The following CFAP54 variants were observed in gnomAD, a reference collection of about 807,000 sequenced individuals.
CFAP54 encodes cilia and flagella associated protein 54, also known as cilia- and flagella-associated protein 54.
CFAP54 carries 290 observed loss-of-function variants against 370.4 expected under a neutral mutation model. The observed-to-expected ratio is 0.78, with a 90% CI of 0.71 to 0.86. The LOEUF (loss-of-function observed/expected upper bound fraction) is 0.86, where lower values mean the gene tolerates loss of function less well. Among genes scored for constraint, CFAP54 ranks in the 40% least tolerant of loss-of-function variants. CFAP54 has a pLI of 0.00. For synonymous variants in CFAP54, 1,206 were observed against 1,236.5 expected, an observed-to-expected ratio of 0.98 and a Z score of 0.52; for missense variants, 3,399 against 3,528.7, an observed-to-expected ratio of 0.96 and a Z score of 0.93.
At chr12:96,724,539 A>C (rs1376979812) in intron 50 of CFAP54, among the ~76,000 whole-genome samples, 1 of 151,722 alleles carries the variant, frequency 6.6e-6, no homozygotes. Flanking sequence ...TTTTTCTTGT[A>C]AATTTGTTTG....
At chr12:96,765,896 A>G (rs894180539) in intron 60 of CFAP54, among the ~76,000 whole-genome samples, 1 of 152,192 alleles carries the variant, frequency 6.6e-6, no homozygotes, top group African/African-American at 2.4e-5. Flanking sequence ...ACATTCATTT[A>G]TGTGTTTTTC....
chr12:96,626,411 A>G (rs1438571531), intron 29 of CFAP54, among the ~76,000 whole-genome samples: 1 of 151,994 alleles, frequency 6.6e-6, no homozygotes, highest in Non-Finnish European at 1.5e-5. Context: ...AAAAGAAAAA[A>G]GAAAAATGTA....
intron 55 of CFAP54, among the ~76,000 whole-genome samples, chr12:96,750,097 A>T (rs1958165554): frequency 6.6e-6 from 1 of 152,134 alleles, no homozygotes; most frequent in Non-Finnish European, 1.5e-5. Flanking sequence ...CCAAGAAGGC[A>T]GCCAGCCAGA....
At chr12:96,694,983 TG>T (rs1486809147) in intron 45 of CFAP54, among the ~76,000 whole-genome samples, 4 of 151,876 alleles carry the variant, frequency 2.6e-5, no homozygotes, top group African/African-American at 9.7e-5. Context: ...ATTGCACCAC[TG>T]CACTCCAGCC....
Position 96,860,955 on chromosome 12 carries a change from A to C in CFAP54, c.*14+3A>C. 1 of 1,510,716 alleles carries C rather than the reference A, an allele frequency of 6.6e-7. No individual in the cohort carries two copies. Among genetic ancestry groups the C allele is most frequent in the Non-Finnish European group, 8.8e-7 (1 of 1,137,142 alleles). 93.6% of individuals were successfully genotyped at this position (1,510,716 alleles called of 1,614,324 possible). A position where few individuals can be genotyped will look rare whatever the true frequency, so the allele number is the denominator to read the frequency against. On this transcript the variant is annotated splice_donor_region_variant and intron_variant, in intron 67 of 67. Coordinates refer to ENST00000524981, the MANE Select transcript of CFAP54 (RefSeq NM_001306084.2). ...ATTCCCTGAATATCCTATACACGGT[A>C]ACCTTATACAGGATTTAATTGTTGT...
Position 96,636,393 on chromosome 12 carries a change from TAA to T in CFAP54, c.4316+5743_4316+5744del, listed in dbSNP as rs531825153. Among the ~76,000 whole-genome samples the T allele has an allele frequency of 2.3e-4, 35 of 152,350 alleles. 1 individual carries two copies. The South Asian group carries it at 5.0e-3, about 22-fold the overall frequency. On this transcript the variant is annotated intron_variant, in intron 32 of 67. Transcript: ENST00000524981. ...TATCTAAAAAATTATCCATTTTATCTAAGTTTTCATATTTATTCATAAAAAGT... is the reference window on the plus strand; with the variant it reads ...TATCTAAAAAATTATCCATTTTATCTGTTTTCATATTTATTCATAAAAAGT...
intron 51 of CFAP54, among the ~76,000 whole-genome samples, chr12:96,741,480 T>C (rs894996215): frequency 6.6e-6 from 1 of 152,130 alleles, no homozygotes; most frequent in African/African-American, 2.4e-5. Context: ...TGCTTACCCT[T>C]GTTTCCAGGG....
At chr12:96,520,136 C>T (rs556168986) in intron 6 of CFAP54, among the ~76,000 whole-genome samples, 1 of 152,292 alleles carries the variant, frequency 6.6e-6, no homozygotes, top group South Asian at 2.1e-4. Flanking sequence ...TCTGGGACTA[C>T]AGACACACAC....
intron 60 of CFAP54, among the ~76,000 whole-genome samples, chr12:96,775,572 C>T (rs1172523446): frequency 2.0e-5 from 3 of 152,170 alleles, no homozygotes; most frequent in Non-Finnish European, 2.9e-5. Context: ...CACATAAACA[C>T]GTGTGGCCAG....
At chr12:96,787,032 C>T in intron 62 of CFAP54, 134 bp downstream of exon 62, 1 of 700,780 alleles carries the variant, frequency 1.4e-6, no homozygotes, top group Non-Finnish European at 2.3e-6. Context: ...AGGCTCATTC[C>T]TGTGTTACCA....
chr12:96,682,083 A>G, intron 40 of CFAP54: 1 of 854,714 alleles, frequency 1.2e-6, no homozygotes, highest in Non-Finnish European at 1.4e-6. Flanking sequence ...CTTCCCTCCC[A>G]ACTTCCCTTC....
At chr12:96,873,724 C>T (rs1960220957) in intron 67 of CFAP54, among the ~76,000 whole-genome samples, 1 of 152,164 alleles carries the variant, frequency 6.6e-6, no homozygotes, top group Admixed American at 6.5e-5. Flanking sequence ...AAACAAAAGG[C>T]ATAGATGTGT....
chr12:96,647,501 T>C (rs1348321168), intron 33 of CFAP54, among the ~76,000 whole-genome samples: 1 of 48,620 alleles, frequency 2.1e-5, no homozygotes, highest in Non-Finnish European at 4.9e-5. Context: ...AAAAAAGAAA[T>C]GCCATTGATT....
intron 26 of CFAP54, among the ~76,000 whole-genome samples, chr12:96,602,363 G>T (rs1265164814): frequency 6.6e-6 from 1 of 152,132 alleles, no homozygotes; most frequent in Non-Finnish European, 1.5e-5. Flanking sequence ...GCTGAGGAGT[G>T]TTTTACCTCC....
chr12:96,819,161 A>G (rs993661144), intron 65 of CFAP54, among the ~76,000 whole-genome samples: 1 of 152,220 alleles, frequency 6.6e-6, no homozygotes, highest in African/African-American at 2.4e-5. Context: ...AATATTCAGT[A>G]TCGGTCATGA....
intron 55 of CFAP54, among the ~76,000 whole-genome samples, chr12:96,751,688 A>G (rs544325175): frequency 3.3e-5 from 5 of 152,276 alleles, no homozygotes; most frequent in Admixed American, 3.3e-4. Context: ...GGATCTAATC[A>G]CAGTTGATAA....
chr12:96,600,003 A>C (rs1351473791), intron 26 of CFAP54, among the ~76,000 whole-genome samples: 1 of 152,058 alleles, frequency 6.6e-6, no homozygotes, highest in African/African-American at 2.4e-5. Flanking sequence ...GAAGTTCTTT[A>C]ATTAGATTCC....
At chr12:96,611,557 GAGA>G (rs1488233405) in intron 26 of CFAP54, among the ~76,000 whole-genome samples, 1 of 152,226 alleles carries the variant, frequency 6.6e-6, no homozygotes, top group African/African-American at 2.4e-5. Flanking sequence ...GACGAGTTGA[GAGA>G]AGAAGGCTTC....
At chr12:96,664,757 ATATATATCTATATC>A (rs1957053100) in intron 39 of CFAP54, among the ~76,000 whole-genome samples, 1 of 17,518 alleles carries the variant, frequency 5.7e-5, no homozygotes, top group African/African-American at 2.6e-4. Context: ...ATATATATCT[ATATATATCTATATC>A]TATATCTATA....
Sources: gnomAD v4.1 joint callset for allele counts (sites outside exome capture counted in the v4.1 genomes callset) on GRCh38, gnomAD v4.1.1 for gene constraint, MANE v1.5 for transcripts, NCBI Gene and HGNC (gene_info 2026-07-23, HGNC 2026-07-21) for gene names.